TACC2: variants seen among roughly 807,000 people sequenced by gnomAD.
TACC2 encodes the protein transforming acidic coiled-coil-containing protein 2.
TACC2 carries 137 observed loss-of-function variants against 227.3 expected under a neutral mutation model. That is an observed-to-expected ratio of 0.60 (90% CI 0.52 to 0.69). The LOEUF (loss-of-function observed/expected upper bound fraction) is 0.69, where lower values mean the gene tolerates loss of function less well. Ranked by LOEUF, TACC2 falls within the 30% of genes least tolerant of loss-of-function variation. The pLI is 0.00. For missense variants in TACC2, 3,470 were observed against 3,694.4 expected (o/e 0.94, Z 1.57); for synonymous variants, 1,523 against 1,487.5 (o/e 1.02, Z -0.55).
chr10:122,165,966 T>C (rs1305477461), intron 7 of TACC2, among the ~76,000 whole-genome samples: 1 of 152,228 alleles, frequency 6.6e-6, no homozygotes, highest in East Asian at 1.9e-4. Flanking sequence ...GGAGAGTGCC[T>C]CTTTTCTGCC....
chr10:122,030,129 A>C (rs1290443623), intron 2 of TACC2, among the ~76,000 whole-genome samples: 1 of 150,256 alleles, frequency 6.7e-6, no homozygotes, highest in Non-Finnish European at 1.5e-5. Context: ...TGAGGTTGAG[A>C]AACCCTAGAA....
intron 5 of TACC2, among the ~76,000 whole-genome samples, chr10:122,115,271 AGT>A (rs1180604805): frequency 0.018 from 1,075 of 60,710 alleles, 8 homozygotes; most frequent in African/African-American, 0.022. Context: ...TAGGTAGGTG[AGT>A]GTGTGTGTGT....
In TACC2 at chr10:122,132,652, G is replaced by C. The variant is rs772966997; in HGVS notation, c.5617G>C (p.Asp1873His). ...DDIIQPAAPA[D>H]LESPTLAASS... ...TATCATCCAGCCCGCTGCCCCCGCA[G>C]ACCTGGAAAGCCCAACCTTAGCTGC... Residue 1873 changes from aspartate to histidine, a missense_variant, in exon 6 of 23, where the codon GAC becomes CAC. Asp to His is a moderately conservative substitution (Grantham distance 81, BLOSUM62 -1). Around this residue, in one of 10 missense-constraint regions of TACC2, gnomAD observed 1,924 missense variants for 1,978.3 expected, o/e 0.97. Coordinates refer to ENST00000369005, the MANE Select transcript of TACC2 (RefSeq NM_206862.4). 1 of 1,614,092 alleles carries C rather than the reference G, an allele frequency of 6.2e-7. No individual in the cohort carries two copies. The highest frequency in any genetic ancestry group is 8.5e-7 in the Non-Finnish European group (1 of 1,180,044).
intron 7 of TACC2, among the ~76,000 whole-genome samples, chr10:122,178,742 A>G (rs1041965086): frequency 6.6e-6 from 1 of 152,078 alleles, no homozygotes; most frequent in Non-Finnish European, 1.5e-5. Context: ...AAAATCAGCC[A>G]TGGGGTTGTG....
chr10:122,244,584 G>A (rs191702422), intron 19 of TACC2, among the ~76,000 whole-genome samples: 75 of 152,224 alleles, frequency 4.9e-4, no homozygotes, highest in Admixed American at 4.5e-3. Flanking sequence ...TTTCTGGCAC[G>A]GTTCAGGTCA....
intron 7 of TACC2, among the ~76,000 whole-genome samples, chr10:122,184,096 C>T (rs888616141): frequency 6.6e-6 from 1 of 152,148 alleles, no homozygotes; most frequent in Non-Finnish European, 1.5e-5. Context: ...GGTGAGCGGC[C>T]GTGGGGTTAT....
In TACC2 at chr10:122,229,506, C is replaced by A. The variant is rs368095058; in HGVS notation, c.8037+20C>A. 2 of 1,613,668 alleles carry A rather than the reference C, an allele frequency of 1.2e-6. No individual in the cohort carries two copies. The highest frequency in any genetic ancestry group is 1.7e-6 in the Non-Finnish European group (2 of 1,179,896). ...CTCCAGGTTTGTAGCCCACGTGTGA[C>A]CTTTTGGGAGTTTGTCAAAACCTCA... is the stretch of plus-strand genomic sequence containing the variant. On this transcript the variant is annotated intron_variant, in intron 15 of 22. Transcript: ENST00000369005.
At chr10:122,025,976 G>A (rs1957945650) in intron 2 of TACC2, among the ~76,000 whole-genome samples, 1 of 151,682 alleles carries the variant, frequency 6.6e-6, no homozygotes, top group Non-Finnish European at 1.5e-5. Context: ...CTTCCATTCT[G>A]TAACATGTCT....
intron 1 of TACC2, among the ~76,000 whole-genome samples, chr10:122,004,694 A>G (rs1404754063): frequency 6.6e-6 from 1 of 152,084 alleles, no homozygotes; most frequent in Non-Finnish European, 1.5e-5. Flanking sequence ...CCTCCAAACT[A>G]TCTTTGGAAA....
rs1272371543 is a variant in TACC2 at position 122,203,074 on chromosome 10, T to C, written c.5972-7323T>C. Among the ~76,000 whole-genome samples the C allele has an allele frequency of 1.7e-4, 26 of 152,032 alleles. 1 individual carries two copies. Among genetic ancestry groups the C allele is most frequent in the East Asian group, 7.7e-4 (4 of 5,176 alleles). On this transcript the variant is annotated intron_variant, in intron 8 of 22. Coordinates refer to ENST00000369005, the MANE Select transcript of TACC2 (RefSeq NM_206862.4). ...ATGTCTACCTCTTTCTACACAGACA[T>C]GGCAACCATCCGATTTCTCAATCTT...
chr10:122,041,275 C>T (rs2074226738), intron 2 of TACC2, among the ~76,000 whole-genome samples: 1 of 152,124 alleles, frequency 6.6e-6, no homozygotes, highest in Admixed American at 6.5e-5. Context: ...CTCAGCATTA[C>T]AGCAACACTC....
intron 2 of TACC2, among the ~76,000 whole-genome samples, chr10:122,026,497 A>G (rs1296733490): frequency 6.6e-6 from 1 of 151,670 alleles, no homozygotes; most frequent in Non-Finnish European, 1.5e-5. Flanking sequence ...TTTTGAGTGC[A>G]TGATTCATTT....
chr10:122,152,059 G>GTATA (rs1565445658), intron 7 of TACC2, among the ~76,000 whole-genome samples: 1 of 152,206 alleles, frequency 6.6e-6, no homozygotes, highest in Non-Finnish European at 1.5e-5. Context: ...GGCCAGAAGG[G>GTATA]TATAATTCCC....
Position 122,248,661 on chromosome 10 carries a change from A to G in TACC2, c.8411A>G (p.Lys2804Arg), listed in dbSNP as rs1470506018. Residue 2804 changes from lysine (K) to arginine (R), a missense_variant, in exon 20 of 23, where the codon AAG becomes AGG. Lys to Arg is a conservative substitution (Grantham distance 26). This residue lies in a region of TACC2 where 65 missense variants were observed against 119.3 expected (regional missense o/e 0.54). Coordinates refer to ENST00000369005, the MANE Select transcript of TACC2 (RefSeq NM_206862.4). ...AQMIEDEQRE[K>R]SVSHQTVQQL... ...CTGCCAGAGGACGAACAGAGAGAGA[A>G]GTCAGTCTCCCACCAGACGGTGCAG... 2.5e-6 allele frequency: 4 copies of G among 1,613,488 alleles called. No individual in the cohort carries two copies. The highest frequency in any genetic ancestry group is 3.4e-6 in the Non-Finnish European group (4 of 1,180,028).
Position 122,237,736 on chromosome 10 carries a change from A to G in TACC2, c.8271+198A>G, listed in dbSNP as rs559427597. On this transcript the variant is annotated intron_variant, in intron 17 of 22. Coordinates refer to ENST00000369005, the MANE Select transcript of TACC2 (RefSeq NM_206862.4). ...TTTTGGCCTTGTTGAATTTACAACAAAAAGCATGCCCCTTTCAGTTGCTCC... is the reference window on the plus strand; with the variant it reads ...TTTTGGCCTTGTTGAATTTACAACAGAAAGCATGCCCCTTTCAGTTGCTCC... Among the ~76,000 whole-genome samples the G allele has an allele frequency of 5.3e-5, 8 of 152,372 alleles. No homozygotes were observed. In the South Asian group the frequency reaches 1.5e-3, roughly 28 times the overall value.
chr10:122,030,062 AT>A (rs1254060401), intron 2 of TACC2, among the ~76,000 whole-genome samples: 9 of 152,100 alleles, frequency 5.9e-5, no homozygotes, highest in Admixed American at 2.0e-4. Context: ...GTATTCTACA[AT>A]GCACAGAACA....
intron 5 of TACC2, among the ~76,000 whole-genome samples, chr10:122,106,427 C>A (rs1194718351): frequency 6.6e-6 from 1 of 152,204 alleles, no homozygotes; most frequent in Non-Finnish European, 1.5e-5. Context: ...ATTTCTGTGT[C>A]AGGCAAATTG....
chr10:122,122,127 G>A (rs1330065880), intron 5 of TACC2, among the ~76,000 whole-genome samples: 2 of 152,198 alleles, frequency 1.3e-5, no homozygotes, highest in South Asian at 2.1e-4. Flanking sequence ...AGGCCGAGGC[G>A]GGTGGATCAC....
intron 6 of TACC2, among the ~76,000 whole-genome samples, chr10:122,137,579 A>G (rs1208517519): frequency 6.6e-6 from 1 of 152,188 alleles, no homozygotes; most frequent in African/African-American, 2.4e-5. Context: ...TGCTTTTCCC[A>G]CAGTCAAGAA....
Sources: gnomAD v4.1 joint callset for allele counts (sites outside exome capture counted in the v4.1 genomes callset) on GRCh38, gnomAD v4.1.1 for gene constraint, gnomAD v4.1.1 regional missense constraint, MANE v1.5 for transcripts, NCBI Gene and HGNC (gene_info 2026-07-23, HGNC 2026-07-21) for gene names.